Variants in NOL4 observed in about 807,000 individuals in gnomAD.
The protein encoded by NOL4 is cancer/testis antigen 125.
NOL4 carries 17 observed loss-of-function variants against 75.9 expected under a neutral mutation model. That is an observed-to-expected ratio of 0.22 (90% CI 0.15 to 0.34). NOL4 has a LOEUF of 0.34. Ranked by LOEUF, NOL4 falls within the 10% of genes least tolerant of loss-of-function variation. The pLI, the probability that NOL4 is intolerant of heterozygous loss-of-function variation, is 1.00. For synonymous variants in NOL4, 292 were observed against 289.9 expected (o/e 1.01, Z -0.07); for missense variants, 614 against 793.5 (o/e 0.77, Z 2.72).
chr18:34,212,943 T>C (rs2036609436), intron 1 of NOL4, among the ~76,000 whole-genome samples: 1 of 152,100 alleles, frequency 6.6e-6, no homozygotes, highest in African/African-American at 2.4e-5. Flanking sequence ...TTAAATCAGA[T>C]CCCCATGAAA....
chr18:33,871,769 T>C (rs1174301036), intron 10 of NOL4, among the ~76,000 whole-genome samples: 1 of 152,036 alleles, frequency 6.6e-6, no homozygotes, highest in Admixed American at 6.6e-5. Flanking sequence ...AGGAAGCTGC[T>C]GCCAGAAAAG....
At chr18:34,120,642 G>C (rs2080096349) in intron 2 of NOL4, among the ~76,000 whole-genome samples, 1 of 152,170 alleles carries the variant, frequency 6.6e-6, no homozygotes, top group African/African-American at 2.4e-5. Flanking sequence ...AAACAATTTG[G>C]AGATTTGAGG....
intron 1 of NOL4, among the ~76,000 whole-genome samples, chr18:34,204,647 C>A (rs2035993744): frequency 6.6e-6 from 1 of 151,774 alleles, no homozygotes; most frequent in African/African-American, 2.4e-5. Flanking sequence ...TCCCTTCAAG[C>A]ATATTATTTT....
intron 5 of NOL4, among the ~76,000 whole-genome samples, chr18:34,034,695 G>T (rs2075803810): frequency 6.6e-6 from 1 of 152,024 alleles, no homozygotes; most frequent in Non-Finnish European, 1.5e-5. Context: ...AGTGGAGATT[G>T]CGCCACTGTA....
chr18:34,087,539 C>T (rs189553197), intron 5 of NOL4, among the ~76,000 whole-genome samples: 1 of 152,124 alleles, frequency 6.6e-6, no homozygotes, highest in Non-Finnish European at 1.5e-5. Flanking sequence ...CAGTTCAAAT[C>T]AAGGAAGTAT....
intron 1 of NOL4, chr18:34,222,222 G>C: frequency 2.1e-6 from 3 of 1,409,486 alleles, no homozygotes; most frequent in Non-Finnish European, 2.8e-6. Flanking sequence ...CATGAGACTA[G>C]AGCCACCCCA....
chr18:33,877,168 C>A (rs981191360), intron 10 of NOL4, among the ~76,000 whole-genome samples: 3 of 151,890 alleles, frequency 2.0e-5, no homozygotes, highest in African/African-American at 7.3e-5. Flanking sequence ...CACAGACAGC[C>A]TGAAGTGTTT....
At chr18:33,942,528 C>T (rs1027580778) in intron 9 of NOL4, among the ~76,000 whole-genome samples, 1 of 151,758 alleles carries the variant, frequency 6.6e-6, no homozygotes, top group Non-Finnish European at 1.5e-5. Context: ...AATTGGCATA[C>T]AATAAATGAT....
intron 6 of NOL4, among the ~76,000 whole-genome samples, chr18:34,003,542 C>T (rs1427991269): frequency 6.6e-6 from 1 of 152,074 alleles, no homozygotes. Flanking sequence ...TTTCCTGCTG[C>T]TGGAAATCTT....
intron 8 of NOL4, among the ~76,000 whole-genome samples, chr18:33,947,082 C>A (rs946199081): frequency 1.3e-5 from 2 of 151,608 alleles, no homozygotes; most frequent in African/African-American, 4.8e-5. Context: ...ATAGCAAAGA[C>A]AAAAGTTTAA....
At chr18:34,186,213 C>T (rs1449448002) in intron 1 of NOL4, among the ~76,000 whole-genome samples, 1 of 152,140 alleles carries the variant, frequency 6.6e-6, no homozygotes, top group Non-Finnish European at 1.5e-5. Context: ...ATCTATTCTG[C>T]TCACTTCTAC....
chr18:34,075,327 T>C (rs145898284), intron 5 of NOL4, among the ~76,000 whole-genome samples: 80 of 152,298 alleles, frequency 5.3e-4, no homozygotes, highest in African/African-American at 1.8e-3. Context: ...TTTATGTACA[T>C]TGAACAATTT....
At chr18:34,143,670 C>A (rs1463862345) in intron 1 of NOL4, among the ~76,000 whole-genome samples, 1 of 151,810 alleles carries the variant, frequency 6.6e-6, no homozygotes. Flanking sequence ...AGTTCGAGAC[C>A]AGCCTGGCCA....
chr18:33,985,763 A>G (rs1339299213), intron 6 of NOL4, among the ~76,000 whole-genome samples: 1 of 152,128 alleles, frequency 6.6e-6, no homozygotes, highest in Non-Finnish European at 1.5e-5. Flanking sequence ...TCCATAATCT[A>G]TCTTTGTTGT....
chr18:33,881,902 A>C (rs538085988), intron 10 of NOL4, among the ~76,000 whole-genome samples: 5 of 152,238 alleles, frequency 3.3e-5, no homozygotes, highest in African/African-American at 1.2e-4. Context: ...ATAAAGCCGC[A>C]TATCTACAAC....
chr18:34,052,332 C>CT (rs999129149), intron 5 of NOL4, among the ~76,000 whole-genome samples: 18 of 151,132 alleles, frequency 1.2e-4, no homozygotes, highest in East Asian at 3.9e-4. Context: ...ACACCATTGT[C>CT]TTTTTTTTTC....
At chr18:33,858,191 T>G (rs2062923211) in intron 10 of NOL4, among the ~76,000 whole-genome samples, 1 of 152,118 alleles carries the variant, frequency 6.6e-6, no homozygotes, top group African/African-American at 2.4e-5. Flanking sequence ...GGCTTATTTT[T>G]CTGGACACAA....
intron 6 of NOL4, among the ~76,000 whole-genome samples, chr18:33,997,147 A>C (rs570477151): frequency 6.6e-6 from 1 of 151,952 alleles, no homozygotes; most frequent in East Asian, 1.9e-4. Context: ...AGTACTTACT[A>C]ATTAATTTTT....
chr18:33,869,203 T>C (rs1317142555), intron 10 of NOL4, among the ~76,000 whole-genome samples: 1 of 151,946 alleles, frequency 6.6e-6, no homozygotes, highest in African/African-American at 2.4e-5. Context: ...TATAAGTTCA[T>C]ATTTATAAGG....
Sources: allele counts gnomAD v4.1 joint callset (sites outside exome capture counted in the v4.1 genomes callset), GRCh38; gene constraint gnomAD v4.1.1; transcripts MANE v1.5; gene names NCBI Gene and HGNC (gene_info 2026-07-23, HGNC 2026-07-21).